MVB12B: variants seen among roughly 807,000 people sequenced by gnomAD.
MVB12B encodes ESCRT-I complex subunit MVB12B.
MVB12B carries 16 observed loss-of-function variants against 41.6 expected under a neutral mutation model. That is an observed-to-expected ratio of 0.38 (90% CI 0.26 to 0.58). The LOEUF (loss-of-function observed/expected upper bound fraction) is 0.58. MVB12B is among the 20% of genes least tolerant of loss of function. MVB12B has a pLI of 0.62. For synonymous variants in MVB12B, 133 were observed against 139.7 expected, an observed-to-expected ratio of 0.95 and a Z score of 0.34; for missense variants, 274 against 380.2, an observed-to-expected ratio of 0.72 and a Z score of 2.32.
At position 126,436,326 on chromosome 9, in the gene MVB12B, C is replaced by T. The variant is rs533145565; in HGVS notation, c.757+14378C>T. 2.0e-4 allele frequency among the ~76,000 whole-genome samples: 31 copies of T among 152,306 alleles called. No individual in the cohort carries two copies. The South Asian group carries it at 3.7e-3, about 18-fold the overall frequency. On this transcript the variant is annotated intron_variant, in intron 7 of 9. Coordinates refer to ENST00000361171, the MANE Select transcript of MVB12B (RefSeq NM_033446.3). This position sits in a 1 kb window ranked among gnomAD's most constrained non-coding sequence, Gnocchi z 4.1. ...TGTGCAGCCGCCTTTTAGGAACACT[C>T]TTAGGTTTTAATTGGATTGGGAAAA...
chr9:126,495,233 G>A (rs1833806994), intron 9 of MVB12B, among the ~76,000 whole-genome samples: 1 of 151,514 alleles, frequency 6.6e-6, no homozygotes, highest in Non-Finnish European at 1.5e-5. Context: ...GAAGAGAAGG[G>A]AAATAGCATT....
At chr9:126,437,200 A>G (rs755633142) in intron 7 of MVB12B, among the ~76,000 whole-genome samples, 1 of 152,200 alleles carries the variant, frequency 6.6e-6, no homozygotes, top group Non-Finnish European at 1.5e-5. Flanking sequence ...TTGCTTGCGT[A>G]AACTCCATAG....
At chr9:126,498,164 G>A (rs913064190) in intron 9 of MVB12B, among the ~76,000 whole-genome samples, 2 of 152,214 alleles carry the variant, frequency 1.3e-5, no homozygotes, top group African/African-American at 4.8e-5. Context: ...CCCCTCATGT[G>A]AGGAAGCTGA....
intron 7 of MVB12B, among the ~76,000 whole-genome samples, chr9:126,466,615 A>C (rs1261281800): frequency 2.0e-5 from 3 of 152,136 alleles, no homozygotes; most frequent in Non-Finnish European, 4.4e-5. Context: ...TCCGGCCCTG[A>C]CAGGTGCCAG....
chr9:126,436,790 A>G lies in MVB12B; in HGVS notation c.757+14842A>G, dbSNP rs1832490475. 6.6e-6 allele frequency among the ~76,000 whole-genome samples: 1 copy of G among 152,216 alleles called. No homozygotes were observed. Among genetic ancestry groups the G allele is most frequent in the African/African-American group, 2.4e-5 (1 of 41,458 alleles). On this transcript the variant is annotated intron_variant, in intron 7 of 9. Transcript: ENST00000361171. This position sits in a 1 kb window ranked among gnomAD's most constrained non-coding sequence, Gnocchi z 4.1. Reference sequence around the variant, plus strand: ...TCCACTCATGAGTCATGAACTAGTAAGGGAATGGCCCTTCCTGGGTCAATT... The same window carrying G: ...TCCACTCATGAGTCATGAACTAGTAGGGGAATGGCCCTTCCTGGGTCAATT...
In MVB12B at chr9:126,391,205, A is replaced by G. The variant is rs761600652; in HGVS notation, c.410-861A>G. On this transcript the variant is annotated intron_variant, in intron 4 of 9. Coordinates refer to ENST00000361171, the MANE Select transcript of MVB12B (RefSeq NM_033446.3). The surrounding 1 kb of genome is among the most constrained non-coding windows in gnomAD (Gnocchi z 4.4). Reference sequence around the variant, plus strand: ...TGTACCCCGGACGGCGTGCATGCCTAAAAAACCTAACCTGAGTCTAATCGA... The same window carrying G: ...TGTACCCCGGACGGCGTGCATGCCTGAAAAACCTAACCTGAGTCTAATCGA... Among the ~76,000 whole-genome samples the G allele has an allele frequency of 3.1e-4, 47 of 152,146 alleles. 1 individual carries two copies. The highest frequency in any genetic ancestry group is 5.9e-4 in the Admixed American group (9 of 15,276).
chr9:126,374,406 T>C (rs919405582), intron 2 of MVB12B, among the ~76,000 whole-genome samples: 1 of 152,228 alleles, frequency 6.6e-6, no homozygotes, highest in African/African-American at 2.4e-5. Context: ...AGGTAGTCAG[T>C]CCCACTGTCC....
At chr9:126,457,313 G>A (rs192328250) in intron 7 of MVB12B, among the ~76,000 whole-genome samples, 21 of 152,304 alleles carry the variant, frequency 1.4e-4, no homozygotes, top group South Asian at 2.1e-4. Flanking sequence ...CTTCAAGGGA[G>A]GTACTGCTTT....
intron 9 of MVB12B, among the ~76,000 whole-genome samples, chr9:126,490,811 T>C (rs934748514): frequency 5.3e-5 from 8 of 152,246 alleles, no homozygotes; most frequent in Admixed American, 5.2e-4. Flanking sequence ...ATTTTATACC[T>C]AAATATTTTC....
chr9:126,365,472 A>G (rs1378815697), intron 2 of MVB12B, among the ~76,000 whole-genome samples: 1 of 151,758 alleles, frequency 6.6e-6, no homozygotes, highest in Non-Finnish European at 1.5e-5. Context: ...AGCTGGGATT[A>G]CGGGCATCCA....
intron 9 of MVB12B, among the ~76,000 whole-genome samples, chr9:126,498,411 G>A (rs1833883444): frequency 6.6e-6 from 1 of 152,188 alleles, no homozygotes; most frequent in South Asian, 2.1e-4. Flanking sequence ...CTTCTCGTTG[G>A]CCCCAGCCTT....
chr9:126,409,124 G>A (rs13302876), intron 6 of MVB12B, among the ~76,000 whole-genome samples: 43,141 of 144,294 alleles, frequency 0.3, 6,692 homozygotes, highest in South Asian at 0.42. Context: ...GTGGGGGGGG[G>A]CTCAGTAATG....
At chr9:126,378,554 C>T (rs1830547687) in intron 2 of MVB12B, among the ~76,000 whole-genome samples, 1 of 152,122 alleles carries the variant, frequency 6.6e-6, no homozygotes, top group Admixed American at 6.5e-5. Context: ...CATTCCAGAG[C>T]CCTTCTCTGC....
chr9:126,458,634 C>A (rs1833033180), intron 7 of MVB12B, among the ~76,000 whole-genome samples: 1 of 152,200 alleles, frequency 6.6e-6, no homozygotes, highest in African/African-American at 2.4e-5. Context: ...TGCAGTTTGT[C>A]CCGCCTGGTT....
At chr9:126,350,238 A>C (rs1455564500) in intron 2 of MVB12B, among the ~76,000 whole-genome samples, 1 of 151,940 alleles carries the variant, frequency 6.6e-6, no homozygotes, top group Non-Finnish European at 1.5e-5. Context: ...TCTAGCTATG[A>C]GTCCTTTGTT....
intron 7 of MVB12B, among the ~76,000 whole-genome samples, chr9:126,440,574 ATC>A (rs1832606898): frequency 6.6e-6 from 1 of 152,204 alleles, no homozygotes; most frequent in South Asian, 2.1e-4. Context: ...CCCAACAGGA[ATC>A]TCCGTGAGCC....
At chr9:126,354,478 G>GTCTC (rs1829830159) in intron 2 of MVB12B, among the ~76,000 whole-genome samples, 1 of 152,174 alleles carries the variant, frequency 6.6e-6, no homozygotes, top group Non-Finnish European at 1.5e-5. Flanking sequence ...TATTTACAGA[G>GTCTC]TCTCAGAGTA....
chr9:126,345,523 T>G (rs1413975706), intron 2 of MVB12B, among the ~76,000 whole-genome samples: 2 of 152,254 alleles, frequency 1.3e-5, no homozygotes, highest in Non-Finnish European at 2.9e-5. Context: ...GCTTTGCACC[T>G]TCGGGCATAT....
At chr9:126,476,876 C>CAA (rs35160593) in intron 7 of MVB12B, among the ~76,000 whole-genome samples, 19,206 of 63,488 alleles carry the variant, frequency 0.3, 2,339 homozygotes, top group Non-Finnish European at 0.38. Context: ...GACTCCATCT[C>CAA]AAAAAAAAAA....
Sources: gnomAD v4.1 joint callset for allele counts (sites outside exome capture counted in the v4.1 genomes callset) on GRCh38, gnomAD v4.1.1 for gene constraint, Gnocchi (gnomAD v3.1) non-coding constraint, MANE v1.5 for transcripts, NCBI Gene and HGNC (gene_info 2026-07-23, HGNC 2026-07-21) for gene names.